LRP1B: variants seen among roughly 807,000 people sequenced by gnomAD.
LRP1B encodes the protein low-density lipoprotein receptor-related protein 1B.
LRP1B carries 217 observed loss-of-function variants against 556.6 expected under a neutral mutation model. That is an observed-to-expected ratio of 0.39 (90% CI 0.35 to 0.44). LRP1B has a LOEUF of 0.44. LRP1B is among the 20% of genes least tolerant of loss of function. The pLI is 1.00. For missense variants in LRP1B, 5,053 were observed against 5,620.8 expected (o/e 0.90, Z 3.23); for synonymous variants, 2,047 against 1,865.8 (o/e 1.10, Z -2.50).
intron 2 of LRP1B, among the ~76,000 whole-genome samples, chr2:141,574,275 C>T (rs1686653487): frequency 6.6e-6 from 1 of 152,172 alleles, no homozygotes; most frequent in African/African-American, 2.4e-5. Flanking sequence ...CCCTGGGATG[C>T]AAGGCTGGTT....
chr2:140,470,370 G>T (rs964249918), intron 60 of LRP1B, among the ~76,000 whole-genome samples: 1 of 152,038 alleles, frequency 6.6e-6, no homozygotes, highest in Non-Finnish European at 1.5e-5. Context: ...TGGGCCGGGC[G>T]TGGTGGCTCA....
chr2:140,473,110 G>A (rs1290876942), intron 60 of LRP1B, among the ~76,000 whole-genome samples: 1 of 151,934 alleles, frequency 6.6e-6, no homozygotes, highest in Non-Finnish European at 1.5e-5. Flanking sequence ...TACAAACATG[G>A]CAAATTAATG....
intron 18 of LRP1B, among the ~76,000 whole-genome samples, chr2:140,973,932 T>A (rs956933374): frequency 3.9e-5 from 6 of 152,120 alleles, no homozygotes; most frequent in African/African-American, 1.4e-4. Context: ...TTTAATAAGA[T>A]TATTAAAATT....
rs916550983 is a variant in LRP1B at position 141,478,840 on chromosome 2, C to T, written c.343+1556G>A. On this transcript the variant is annotated intron_variant, in intron 3 of 90. Coordinates refer to ENST00000389484, the MANE Select transcript of LRP1B (RefSeq NM_018557.3). ...GATTACAGGAGTGAGCCACTGCACC[C>T]GGCCTACTTTCTTTTCATATCACTT... 2.6e-5 allele frequency among the ~76,000 whole-genome samples: 4 copies of T among 152,044 alleles called. No homozygotes were observed. The South Asian group carries it at 6.2e-4, about 24-fold the overall frequency.
At chr2:140,299,613 A>G (rs2105004631) in intron 83 of LRP1B, among the ~76,000 whole-genome samples, 1 of 152,284 alleles carries the variant, frequency 6.6e-6, no homozygotes, top group African/African-American at 2.4e-5. Context: ...ATAGAAACAC[A>G]GTATCTTCAC....
At chr2:140,850,355 C>T in intron 28 of LRP1B, 26 bp from the exon 29 acceptor site, 1 of 1,435,816 alleles carries the variant, frequency 7.0e-7, no homozygotes, top group Non-Finnish European at 9.6e-7. Context: ...AAATTCTTTT[C>T]TCTTATGAAG....
intron 35 of LRP1B, among the ~76,000 whole-genome samples, chr2:140,765,438 G>C (rs1474925981): frequency 6.6e-6 from 1 of 152,054 alleles, no homozygotes; most frequent in African/African-American, 2.4e-5. Context: ...TGGAGCAATG[G>C]GCTTTGCTTT....
intron 1 of LRP1B, among the ~76,000 whole-genome samples, chr2:141,939,435 GA>G (rs1286115699): frequency 2.0e-5 from 3 of 152,044 alleles, no homozygotes; most frequent in Non-Finnish European, 4.4e-5. Flanking sequence ...TGTTATTGCA[GA>G]AAAACTGGAA....
chr2:140,817,933 T>C (rs1691184958), intron 31 of LRP1B, among the ~76,000 whole-genome samples: 1 of 152,182 alleles, frequency 6.6e-6, no homozygotes, highest in Admixed American at 6.6e-5. Context: ...TTTTAAAATA[T>C]TGATCCCAGA....
chr2:141,713,748 T>C (rs1020259547), intron 2 of LRP1B, among the ~76,000 whole-genome samples: 11 of 152,208 alleles, frequency 7.2e-5, no homozygotes, highest in Admixed American at 2.6e-4. Context: ...AAATGCATTA[T>C]GTATTTTTCT....
At chr2:140,953,391 T>C (rs1374746092) in intron 18 of LRP1B, among the ~76,000 whole-genome samples, 1 of 152,190 alleles carries the variant, frequency 6.6e-6, no homozygotes, top group Non-Finnish European at 1.5e-5. Flanking sequence ...GCCTGGCCCA[T>C]ATTCTTTAAT....
intron 29 of LRP1B, among the ~76,000 whole-genome samples, chr2:140,845,882 TAGTCCAACACATTTATTAA>T (rs1692259632): frequency 6.6e-6 from 1 of 152,170 alleles, no homozygotes; most frequent in African/African-American, 2.4e-5. Context: ...GCAGAATGAA[TAGTCCAACACATTTATTAA>T]AGTCCAACAC....
intron 20 of LRP1B, among the ~76,000 whole-genome samples, chr2:140,930,476 A>G (rs1695017492): frequency 6.6e-6 from 1 of 152,150 alleles, no homozygotes; most frequent in East Asian, 1.9e-4. Flanking sequence ...TAATGTTAAA[A>G]AAATGAAAAT....
intron 84 of LRP1B, among the ~76,000 whole-genome samples, chr2:140,294,477 A>G (rs1018895078): frequency 6.6e-6 from 1 of 152,186 alleles, no homozygotes; most frequent in African/African-American, 2.4e-5. Flanking sequence ...GTACATAATC[A>G]ACAGGTAAAA....
intron 43 of LRP1B, among the ~76,000 whole-genome samples, chr2:140,554,582 C>T (rs2105059892): frequency 6.6e-6 from 1 of 152,088 alleles, no homozygotes; most frequent in African/African-American, 2.4e-5. Flanking sequence ...TTTTCCTCTC[C>T]ATATCCGGAA....
At chr2:140,283,881 G>A (rs1315437471) in intron 84 of LRP1B, among the ~76,000 whole-genome samples, 1 of 151,646 alleles carries the variant, frequency 6.6e-6, no homozygotes, top group Non-Finnish European at 1.5e-5. Context: ...AAAGATTTTA[G>A]CAAGTAACTG....
chr2:142,086,411 C>G (rs1389824835), intron 1 of LRP1B, among the ~76,000 whole-genome samples: 1 of 152,102 alleles, frequency 6.6e-6, no homozygotes, highest in African/African-American at 2.4e-5. Flanking sequence ...AGATAGAGAC[C>G]ATCCTGGCCA....
intron 3 of LRP1B, among the ~76,000 whole-genome samples, chr2:141,385,794 G>A (rs548287443): frequency 1.3e-5 from 2 of 152,272 alleles, no homozygotes; most frequent in South Asian, 4.1e-4. Flanking sequence ...AGCATTGTAG[G>A]TGGAGATTGA....
At chr2:141,950,112 C>A (rs964370720) in intron 1 of LRP1B, among the ~76,000 whole-genome samples, 7 of 152,036 alleles carry the variant, frequency 4.6e-5, no homozygotes, top group Admixed American at 4.6e-4. Flanking sequence ...TCTTTCAATT[C>A]GTCCACTTTT....
Sources: allele counts gnomAD v4.1 joint callset (sites outside exome capture counted in the v4.1 genomes callset), GRCh38; gene constraint gnomAD v4.1.1; transcripts MANE v1.5; gene names NCBI Gene and HGNC (gene_info 2026-07-23, HGNC 2026-07-21).